Variants in NPEPPS observed in about 807,000 individuals in gnomAD.
NPEPPS encodes the protein aminopeptidase puromycin sensitive, also known as puromycin-sensitive aminopeptidase.
NPEPPS carries 14 observed loss-of-function variants against 115.5 expected under a neutral mutation model. That is an observed-to-expected ratio of 0.12 (90% CI 0.08 to 0.19). NPEPPS has a LOEUF of 0.19. Ranked by LOEUF, NPEPPS falls within the 10% of genes least tolerant of loss-of-function variation. NPEPPS has a pLI of 1.00. For synonymous variants in NPEPPS, 285 were observed against 390.6 expected (o/e 0.73, Z 3.19); for missense variants, 523 against 1,110.8 (o/e 0.47, Z 7.52).
intron 2 of NPEPPS, among the ~76,000 whole-genome samples, chr17:47,546,979 G>C (rs777993602): frequency 3.3e-5 from 5 of 151,962 alleles, no homozygotes; most frequent in African/African-American, 7.3e-5. Flanking sequence ...AACATGAAAG[G>C]CTCCTCAAAG....
At chr17:47,570,144 G>A (rs112048003) in intron 3 of NPEPPS, among the ~76,000 whole-genome samples, 1 of 152,136 alleles carries the variant, frequency 6.6e-6, no homozygotes, top group African/African-American at 2.4e-5. Context: ...TACCTAGGCC[G>A]GGCATGGTGG....
intron 5 of NPEPPS, among the ~76,000 whole-genome samples, chr17:47,583,216 A>T (rs969023935): frequency 1.3e-5 from 2 of 152,100 alleles, no homozygotes; most frequent in African/African-American, 4.8e-5. Context: ...CGTTAAATAC[A>T]TTTATAAGAT....
chr17:47,534,276 A>G (rs564801328), intron 1 of NPEPPS, among the ~76,000 whole-genome samples: 1 of 152,116 alleles, frequency 6.6e-6, no homozygotes, highest in East Asian at 1.9e-4. Flanking sequence ...TATTTTTAGT[A>G]GAGACAGGGT....
At chr17:47,566,903 C>T (rs1229018206) in intron 2 of NPEPPS, among the ~76,000 whole-genome samples, 2 of 152,000 alleles carry the variant, frequency 1.3e-5, no homozygotes, top group African/African-American at 4.8e-5. Context: ...GGGGAAACCC[C>T]TGTCTCTACT....
rs1914650722 is a variant in NPEPPS, at chr17:47,622,607, T to G, written c.*687T>G. 1 of 283,054 alleles carries G rather than the reference T, an allele frequency of 3.5e-6. No individual in the cohort carries two copies. The highest frequency in any genetic ancestry group is 2.3e-5 in the African/African-American group (1 of 42,726). 17.5% of individuals were successfully genotyped at this position (283,054 alleles called of 1,614,324 possible). A position where few individuals can be genotyped will look rare whatever the true frequency, so the allele number is the denominator to read the frequency against. ...CCCTGTTCTGGTTTTTTTCCTCCCT[T>G]TAGTTCCACCCCCAACCCCCATTCC... On this transcript the variant is annotated 3_prime_UTR_variant, in exon 23 of 23. Coordinates refer to ENST00000322157, the MANE Select transcript of NPEPPS (RefSeq NM_006310.4).
intron 5 of NPEPPS, among the ~76,000 whole-genome samples, 177 bp downstream of exon 5, chr17:47,583,026 T>C (rs1382188509): frequency 2.7e-5 from 4 of 150,572 alleles, no homozygotes; most frequent in Non-Finnish European, 4.4e-5. Flanking sequence ...TTTTTTTTTT[T>C]CTGTAGAGTT....
rs1914434811 is a variant in NPEPPS at position 47,619,857 on chromosome 17, T to G, written c.2607+73T>G. ...AACAATAACCTGGTTGTAATTATAG[T>G]GTTGGGATAATGTACTGTAGCATCT... On this transcript the variant is annotated intron_variant, in intron 22 of 22. Transcript: ENST00000322157. The G allele has an allele frequency of 6.9e-6, 8 of 1,167,828 alleles. No individual in the cohort carries two copies. In the Admixed American group the frequency reaches 1.2e-4, roughly 17 times the overall value. 72.3% of individuals were successfully genotyped at this position (1,167,828 alleles called of 1,614,324 possible). A position where few individuals can be genotyped will look rare whatever the true frequency, so the allele number is the denominator to read the frequency against.
chr17:47,587,402 T>C lies in NPEPPS; in HGVS notation c.1095+58T>C. On this transcript the variant is annotated intron_variant, in intron 9 of 22. Transcript: ENST00000322157. ...TATCTTCATCCTACTCCACATTATT[T>C]TGGCTACATAGTATTTCAAGTTTGG... The C allele has an allele frequency of 3.5e-6, 5 of 1,437,684 alleles. No individual in the cohort carries two copies. The South Asian group carries it at 7.4e-5, about 21-fold the overall frequency. 89.1% of individuals were successfully genotyped at this position (1,437,684 alleles called of 1,614,324 possible).
At chr17:47,540,668 A>C (rs1392638949) in intron 1 of NPEPPS, among the ~76,000 whole-genome samples, 1 of 152,240 alleles carries the variant, frequency 6.6e-6, no homozygotes, top group Non-Finnish European at 1.5e-5. Flanking sequence ...CAGAAGCTTT[A>C]TAAACTGTTA....
At chr17:47,607,876 G>A (rs1597886326) in intron 17 of NPEPPS, among the ~76,000 whole-genome samples, 3 of 152,126 alleles carry the variant, frequency 2.0e-5, no homozygotes, top group South Asian at 2.1e-4. Context: ...ACAGAGTCTC[G>A]CTCTGTTGCC....
intron 1 of NPEPPS, among the ~76,000 whole-genome samples, chr17:47,532,213 A>T (rs962956548): frequency 2.6e-5 from 4 of 152,082 alleles, no homozygotes; most frequent in African/African-American, 7.2e-5. Context: ...CTCAAGTGAC[A>T]GTGCAGCAGT....
chr17:47,571,440 TG>T (rs1911183579), intron 3 of NPEPPS, among the ~76,000 whole-genome samples: 1 of 152,172 alleles, frequency 6.6e-6, no homozygotes, highest in African/African-American at 2.4e-5. Context: ...ATAAATGGGC[TG>T]GGCGTGGTGG....
At chr17:47,583,342 T>C (rs1248864224) in intron 5 of NPEPPS, among the ~76,000 whole-genome samples, 1 of 152,114 alleles carries the variant, frequency 6.6e-6, no homozygotes, top group Non-Finnish European at 1.5e-5. Context: ...CCCAGCACTT[T>C]GGGAAGTCAA....
chr17:47,590,126 T>C (rs1597867523), intron 9 of NPEPPS, among the ~76,000 whole-genome samples: 1 of 151,494 alleles, frequency 6.6e-6, no homozygotes, highest in Non-Finnish European at 1.5e-5. Context: ...AGCCCAGGAG[T>C]TCAAGGCTGC....
Position 47,531,324 on chromosome 17 carries a change from C to T in NPEPPS, c.24C>T (p.Pro8=), listed in dbSNP as rs956571522. 1.3e-6 allele frequency: 2 copies of T among 1,486,352 alleles called. No individual in the cohort carries two copies. Among genetic ancestry groups the T allele is most frequent in the Middle Eastern group, 2.4e-4 (1 of 4,250 alleles). The allele number at this position is 1,486,352 out of a possible 1,614,324, so 92.1% of individuals were successfully genotyped here. A position where few individuals can be genotyped will look rare whatever the true frequency, so the allele number is the denominator to read the frequency against. Residue 8 remains proline, a synonymous_variant, in exon 1 of 23, where the codon CCC becomes CCT. Transcript: ENST00000322157. ...GGATGTGGCTGGCAGCTGCCGCCCC[C>T]TCCCTCGCTCGCCGCCTGCTCTTCC... MWLAAAA[P]SLARRLLFLG...
At chr17:47,575,279 C>T (rs888415874) in intron 3 of NPEPPS, among the ~76,000 whole-genome samples, 6 of 152,022 alleles carry the variant, frequency 3.9e-5, no homozygotes, top group East Asian at 1.9e-4. Context: ...CAGAAATCAC[C>T]ATGCCATACA....
chr17:47,607,906 G>A (rs554229015), intron 17 of NPEPPS, among the ~76,000 whole-genome samples: 2 of 152,242 alleles, frequency 1.3e-5, no homozygotes, highest in East Asian at 1.9e-4. Context: ...GTGCAGTGAT[G>A]CAGTCATAGC....
At chr17:47,544,560 A>G (rs1909051095) in intron 1 of NPEPPS, among the ~76,000 whole-genome samples, 1 of 149,494 alleles carries the variant, frequency 6.7e-6, no homozygotes, top group African/African-American at 2.5e-5. Flanking sequence ...TTTGAGATAG[A>G]GTTTCACTCT....
intron 2 of NPEPPS, among the ~76,000 whole-genome samples, chr17:47,563,651 A>G (rs1953419926): frequency 6.6e-6 from 1 of 151,464 alleles, no homozygotes; most frequent in Non-Finnish European, 1.5e-5. Context: ...GCTCGCTGCA[A>G]GCTCCGCCTC....
Sources: allele counts gnomAD v4.1 joint callset (sites outside exome capture counted in the v4.1 genomes callset), GRCh38; gene constraint gnomAD v4.1.1; transcripts MANE v1.5; gene names NCBI Gene and HGNC (gene_info 2026-07-23, HGNC 2026-07-21).